Variants in ST3GAL4 observed in about 807,000 individuals in gnomAD.
ST3GAL4 encodes the protein ST3 beta-galactoside alpha-2,3-sialyltransferase 4, also known as CMP-N-acetylneuraminate-beta-galactosamide-alpha-2,3-sialyltransferase 4.
In ST3GAL4, 24 loss-of-function variants were observed where a neutral mutation model predicts 42.6. That is an observed-to-expected ratio of 0.56 (90% CI 0.41 to 0.79). The LOEUF is 0.79. ST3GAL4 is among the 30% of genes least tolerant of loss of function. The pLI, the probability that ST3GAL4 is intolerant of heterozygous loss-of-function variation, is 0.00. For missense variants in ST3GAL4, 311 were observed against 430.8 expected, an observed-to-expected ratio of 0.72 and a Z score of 2.46; for synonymous variants, 135 against 163.2, an observed-to-expected ratio of 0.83 and a Z score of 1.32.
At position 126,391,936 on chromosome 11, in the gene ST3GAL4, C is replaced by CGTGTGTGTGTGTGTGTGTGTGT. The variant is rs111958228; in HGVS notation, c.-60-14145_-60-14124dup. Among the ~76,000 whole-genome samples the CGTGTGTGTGTGTGTGTGTGTGT allele has an allele frequency of 6.9e-6, 1 of 144,392 alleles. No individual in the cohort carries two copies. The allele number at this position is 144,392 out of a possible 152,430, so 94.7% of individuals were successfully genotyped here. On this transcript the variant is annotated intron_variant, in intron 1 of 10. Transcript: ENST00000444328. This position sits in a 1 kb window ranked among gnomAD's most constrained non-coding sequence, Gnocchi z 5.5. ...CTCAGAACACCTGTGATAACTTGGT[C>CGTGTGTGTGTGTGTGTGTGTGT]GTGTGTGTGTGTGTGTGTGTGTGTG...
intron 1 of ST3GAL4, among the ~76,000 whole-genome samples, chr11:126,377,460 C>T (rs562129656): frequency 2.7e-5 from 4 of 146,208 alleles, no homozygotes; most frequent in Admixed American, 1.4e-4. Flanking sequence ...TGTGAGCCAC[C>T]GTGCCTGGCC....
intron 1 of ST3GAL4, among the ~76,000 whole-genome samples, chr11:126,387,915 A>G (rs1049584647): frequency 1.3e-5 from 2 of 152,226 alleles, no homozygotes; most frequent in African/African-American, 4.8e-5. Context: ...TTTTGATGCT[A>G]TGGATACTAT....
Position 126,376,200 on chromosome 11 carries a change from C to G in ST3GAL4, c.-61+20358C>G, listed in dbSNP as rs969879054. 6.6e-6 allele frequency among the ~76,000 whole-genome samples: 1 copy of G among 152,056 alleles called. No homozygotes were observed. The highest frequency in any genetic ancestry group is 6.6e-5 in the Admixed American group (1 of 15,252). Reference sequence around the variant, plus strand: ...TTGGCTTTTGGTATTAAAATGTCTTCAGTTTCAGAGGTCCCAGGATAGTGG... The same window carrying G: ...TTGGCTTTTGGTATTAAAATGTCTTGAGTTTCAGAGGTCCCAGGATAGTGG... On this transcript the variant is annotated intron_variant, in intron 1 of 10. Coordinates refer to ENST00000444328, the MANE Select transcript of ST3GAL4 (RefSeq NM_001254757.2). The surrounding 1 kb of genome is among the most constrained non-coding windows in gnomAD (Gnocchi z 5.1).
At chr11:126,361,393 T>C (rs1408625284) in intron 1 of ST3GAL4, among the ~76,000 whole-genome samples, 2 of 151,032 alleles carry the variant, frequency 1.3e-5, no homozygotes, top group Non-Finnish European at 2.9e-5. Context: ...AAACCCCCAT[T>C]GAGTTCCAGT....
Position 126,411,502 on chromosome 11 carries a change from G to A in ST3GAL4, c.772-2003G>A, listed in dbSNP as rs1332309027. ...TTTAGCCGGCTAAAACAATACCCAT[G>A]TACTGGCTCATGGTCCTGTAGATCA... On this transcript the variant is annotated intron_variant, in intron 9 of 10. Transcript: ENST00000444328. The surrounding 1 kb of genome is among the most constrained non-coding windows in gnomAD (Gnocchi z 6.3). 6.6e-6 allele frequency among the ~76,000 whole-genome samples: 1 copy of A among 152,134 alleles called. No individual in the cohort carries two copies. The highest frequency in any genetic ancestry group is 2.4e-5 in the African/African-American group (1 of 41,402).
rs1462606048 is a variant in ST3GAL4, at chr11:126,376,619, G to GA, written c.-61+20777_-61+20778insA. Among the ~76,000 whole-genome samples the GA allele has an allele frequency of 6.6e-6, 1 of 152,184 alleles. No individual in the cohort carries two copies. The highest frequency in any genetic ancestry group is 1.5e-5 in the Non-Finnish European group (1 of 68,036). ...ATGCTGTCTTTTAAGCAAGGTTAAGGCTGTTGTTAAGGCCTCATTGGTTTT... is the reference window on the plus strand; with the variant it reads ...ATGCTGTCTTTTAAGCAAGGTTAAGGACTGTTGTTAAGGCCTCATTGGTTTT... On this transcript the variant is annotated intron_variant, in intron 1 of 10. Transcript: ENST00000444328. This position sits in a 1 kb window ranked among gnomAD's most constrained non-coding sequence, Gnocchi z 5.1.
intron 1 of ST3GAL4, among the ~76,000 whole-genome samples, chr11:126,401,533 G>A (rs1460258166): frequency 6.6e-6 from 1 of 151,244 alleles, no homozygotes; most frequent in African/African-American, 2.4e-5. Flanking sequence ...TCCAGCCTGG[G>A]TGACAGAGGG....
chr11:126,384,251 G>A lies in ST3GAL4; in HGVS notation c.-60-21845G>A, dbSNP rs568917906. On this transcript the variant is annotated intron_variant, in intron 1 of 10. Coordinates refer to ENST00000444328, the MANE Select transcript of ST3GAL4 (RefSeq NM_001254757.2). This position sits in a 1 kb window ranked among gnomAD's most constrained non-coding sequence, Gnocchi z 5.5. ...TGGTGATGGGAGGTGGGAGTACAAG[G>A]TCTGCCGAGTGAGGCAGAGGAAAGG... is the stretch of plus-strand genomic sequence containing the variant. Among the ~76,000 whole-genome samples, 2 of 152,306 alleles carry A rather than the reference G, an allele frequency of 1.3e-5. No individual in the cohort carries two copies. Among genetic ancestry groups the A allele is most frequent in the East Asian group, 3.9e-4 (2 of 5,180 alleles).
chr11:126,379,071 T>A lies in ST3GAL4; in HGVS notation c.-61+23229T>A. On this transcript the variant is annotated intron_variant, in intron 1 of 10. Coordinates refer to ENST00000444328, the MANE Select transcript of ST3GAL4 (RefSeq NM_001254757.2). This position sits in a 1 kb window ranked among gnomAD's most constrained non-coding sequence, Gnocchi z 4.2. ...TTCTTCCAAGAGCTACACTGGTTGA[T>A]CATAAATATCAGCCAACTGCCAAGG... Among the ~76,000 whole-genome samples, 1 of 152,250 alleles carries A rather than the reference T, an allele frequency of 6.6e-6. No individual in the cohort carries two copies. Among genetic ancestry groups the A allele is most frequent in the East Asian group, 1.9e-4 (1 of 5,202 alleles).
At position 126,393,534 on chromosome 11, in the gene ST3GAL4, A is replaced by G. The variant is rs1160201919; in HGVS notation, c.-60-12562A>G. On this transcript the variant is annotated intron_variant, in intron 1 of 10. Coordinates refer to ENST00000444328, the MANE Select transcript of ST3GAL4 (RefSeq NM_001254757.2). The surrounding 1 kb of genome is among the most constrained non-coding windows in gnomAD (Gnocchi z 5.9). ...CTTTGATGTGCTTTGACTGCACATC[A>G]GAGTCAAACGAGTCAGAATAAGCGG... Among the ~76,000 whole-genome samples the G allele has an allele frequency of 6.6e-6, 1 of 152,196 alleles. No homozygotes were observed. The highest frequency in any genetic ancestry group is 2.4e-5 in the African/African-American group (1 of 41,450).
intron 1 of ST3GAL4, among the ~76,000 whole-genome samples, chr11:126,358,817 T>A (rs1428728951): frequency 6.6e-6 from 1 of 152,094 alleles, no homozygotes; most frequent in Non-Finnish European, 1.5e-5. Flanking sequence ...TGTGATAGGA[T>A]GTGATAAGAT....
intron 1 of ST3GAL4, among the ~76,000 whole-genome samples, chr11:126,404,727 G>A (rs926762381): frequency 5.3e-5 from 8 of 152,216 alleles, no homozygotes; most frequent in African/African-American, 1.9e-4. Context: ...TCTGGGGTTT[G>A]GGGATGGTGC....
At position 126,379,079 on chromosome 11, in the gene ST3GAL4, A is replaced by G. The variant is rs1006327479; in HGVS notation, c.-61+23237A>G. Among the ~76,000 whole-genome samples, 2 of 152,258 alleles carry G rather than the reference A, an allele frequency of 1.3e-5. No homozygotes were observed. Among genetic ancestry groups the G allele is most frequent in the Non-Finnish European group, 2.9e-5 (2 of 68,050 alleles). On this transcript the variant is annotated intron_variant, in intron 1 of 10. Coordinates refer to ENST00000444328, the MANE Select transcript of ST3GAL4 (RefSeq NM_001254757.2). The surrounding 1 kb of genome is among the most constrained non-coding windows in gnomAD (Gnocchi z 4.2). ...AGAGCTACACTGGTTGATCATAAAT[A>G]TCAGCCAACTGCCAAGGGAAGGATA...
At chr11:126,372,083 C>T (rs543454747) in intron 1 of ST3GAL4, among the ~76,000 whole-genome samples, 3 of 152,262 alleles carry the variant, frequency 2.0e-5, no homozygotes, top group East Asian at 1.9e-4. Flanking sequence ...ACCTGTTGAC[C>T]GTCTTAACCC....
chr11:126,409,763 T>TTA lies in ST3GAL4; in HGVS notation c.771+353_771+354dup, dbSNP rs1954436749. Among the ~76,000 whole-genome samples the TTA allele has an allele frequency of 6.6e-6, 1 of 152,202 alleles. No homozygotes were observed. The highest frequency in any genetic ancestry group is 6.5e-5 in the Admixed American group (1 of 15,284). ...CAACTTGAGCCATGCAGAGTTACTG[T>TTA]TAGATACTTCATCTGTGATCTTATC... On this transcript the variant is annotated intron_variant, in intron 9 of 10. Coordinates refer to ENST00000444328, the MANE Select transcript of ST3GAL4 (RefSeq NM_001254757.2). The surrounding 1 kb of genome is among the most constrained non-coding windows in gnomAD (Gnocchi z 4.9).
rs1275331402 is a variant in ST3GAL4, at chr11:126,363,941, G to A, written c.-61+8099G>A. Among the ~76,000 whole-genome samples, 6 of 152,336 alleles carry A rather than the reference G, an allele frequency of 3.9e-5. No homozygotes were observed. The highest frequency in any genetic ancestry group is 6.5e-5 in the Admixed American group (1 of 15,306). ...TGCCTCTGTTGGCTTTGTGACCCTC[G>A]CTTTGTACTGTGGCTTTGTTCTGCC... On this transcript the variant is annotated intron_variant, in intron 1 of 10. Transcript: ENST00000444328. The surrounding 1 kb of genome is among the most constrained non-coding windows in gnomAD (Gnocchi z 4.6).
At chr11:126,413,719 A>C (rs1486343741) in intron 10 of ST3GAL4, 71 bp downstream of exon 10, 1 of 1,589,758 alleles carries the variant, frequency 6.3e-7, no homozygotes, top group Non-Finnish European at 8.6e-7. Context: ...GCACTGGGTG[A>C]GTGGGAGCAG....
Position 126,413,941 on chromosome 11 carries a change from T to C in ST3GAL4, c.916-20T>C. ...GGTCCCTGGGAGTCCCTCAGTTTATTTCCTTGGCTGTCTCCACAGGGGTCA... is the reference window on the plus strand; with the variant it reads ...GGTCCCTGGGAGTCCCTCAGTTTATCTCCTTGGCTGTCTCCACAGGGGTCA... On this transcript the variant is annotated intron_variant, in intron 10 of 10. Coordinates refer to ENST00000444328, the MANE Select transcript of ST3GAL4 (RefSeq NM_001254757.2). The C allele has an allele frequency of 6.2e-7, 1 of 1,614,050 alleles. No homozygotes were observed.
rs1377867179 is a variant in ST3GAL4, at chr11:126,383,650, G to A, written c.-60-22446G>A. 1.3e-5 allele frequency among the ~76,000 whole-genome samples: 2 copies of A among 152,204 alleles called. No homozygotes were observed. The highest frequency in any genetic ancestry group is 4.8e-5 in the African/African-American group (2 of 41,446). ...ATGGACTAGTGTGTTTGTGCTGGAG[G>A]AGCCTGTGTAGGTTACTGACATGGG... On this transcript the variant is annotated intron_variant, in intron 1 of 10. Transcript: ENST00000444328. This position sits in a 1 kb window ranked among gnomAD's most constrained non-coding sequence, Gnocchi z 4.5.
Sources: gnomAD v4.1 joint callset for allele counts (sites outside exome capture counted in the v4.1 genomes callset) on GRCh38, gnomAD v4.1.1 for gene constraint, Gnocchi (gnomAD v3.1) non-coding constraint, MANE v1.5 for transcripts, NCBI Gene and HGNC (gene_info 2026-07-23, HGNC 2026-07-21) for gene names.